The following ASCC3 variants were observed in gnomAD, a reference collection of about 807,000 sequenced individuals.
ASCC3 encodes ASC-1 complex subunit P200.
In ASCC3, 158 loss-of-function variants were observed where a neutral mutation model predicts 256.3. The ratio of observed to expected loss-of-function variants is 0.62; its 90% CI spans 0.54 to 0.70. The LOEUF is 0.70. Ranked by LOEUF, ASCC3 falls within the 30% of genes least tolerant of loss-of-function variation. The pLI, the probability that ASCC3 is intolerant of heterozygous loss-of-function variation, is 0.00. For synonymous variants in ASCC3, 948 were observed against 883.4 expected, an observed-to-expected ratio of 1.07 and a Z score of -1.30; for missense variants, 2,259 against 2,626.0, an observed-to-expected ratio of 0.86 and a Z score of 3.05.
In ASCC3 at chr6:100,516,292, C is replaced by G; in HGVS notation, c.5963G>C (p.Arg1988Thr). 1.2e-6 allele frequency: 2 copies of G among 1,613,748 alleles called. No homozygotes were observed. Among genetic ancestry groups the G allele is most frequent in the Non-Finnish European group, 1.7e-6 (2 of 1,179,722 alleles). ...WKPIMKGPHA[R>T]GRTSIESLPE... ...AAGGGACTCGATGGAGGTCCGACCC[C>G]TAGCATGTGGGCCCTTCATAATCGG... The change falls in exon 39 of 42, where the codon AGG (arginine) becomes ACG (threonine). Residue 1988 changes from arginine (R) to threonine (T), a missense_variant. Coordinates refer to ENST00000369162, the MANE Select transcript of ASCC3 (RefSeq NM_006828.4).
chr6:100,777,247 G>A (rs1324938411), intron 8 of ASCC3, among the ~76,000 whole-genome samples: 1 of 152,088 alleles, frequency 6.6e-6, no homozygotes, highest in Admixed American at 6.6e-5. Context: ...GTATGTGTGA[G>A]TGTATAAAAC....
At chr6:100,514,495 TTTTAC>T (rs1196758807) in intron 39 of ASCC3, among the ~76,000 whole-genome samples, 1 of 152,112 alleles carries the variant, frequency 6.6e-6, no homozygotes, top group Non-Finnish European at 1.5e-5. Flanking sequence ...CTCATTGGGA[TTTTAC>T]TTTACAAAGT....
intron 12 of ASCC3, 127 bp downstream of exon 12, chr6:100,717,948 G>A (rs775662871): frequency 1.3e-6 from 1 of 784,906 alleles, no homozygotes; most frequent in Non-Finnish European, 2.1e-6. Context: ...TCAATGTTCT[G>A]CAAAAGGCCA....
At chr6:100,557,901 C>G (rs548572601) in intron 36 of ASCC3, among the ~76,000 whole-genome samples, 17 of 151,432 alleles carry the variant, frequency 1.1e-4, no homozygotes, top group African/African-American at 3.4e-4. Context: ...ATCACCCCCC[C>G]CAAAAAAATG....
chr6:100,588,912 C>T (rs187300094), intron 36 of ASCC3, among the ~76,000 whole-genome samples: 1 of 152,076 alleles, frequency 6.6e-6, no homozygotes, highest in East Asian at 1.9e-4. Context: ...CTAAAAAGCA[C>T]CAACACATCT....
At chr6:100,877,722 TAC>T (rs1769053591) in intron 1 of ASCC3, among the ~76,000 whole-genome samples, 1 of 152,130 alleles carries the variant, frequency 6.6e-6, no homozygotes, top group South Asian at 2.1e-4. Context: ...AAACAATAAT[TAC>T]TAGAGATTCT....
intron 36 of ASCC3, among the ~76,000 whole-genome samples, chr6:100,550,908 G>T (rs1186908467): frequency 1.3e-5 from 2 of 151,878 alleles, no homozygotes; most frequent in Non-Finnish European, 2.9e-5. Flanking sequence ...CTGCAGTAGA[G>T]ATATTTTTCT....
intron 13 of ASCC3, among the ~76,000 whole-genome samples, chr6:100,691,677 T>C (rs572807007): frequency 6.6e-6 from 1 of 152,184 alleles, no homozygotes; most frequent in South Asian, 2.1e-4. Context: ...TACTTGCTCA[T>C]AATTACTTAT....
At position 100,798,830 on chromosome 6, in the gene ASCC3, CA is replaced by C. The variant is rs1769764519; in HGVS notation, c.1277del (p.Leu426CysfsTer16). On this transcript the variant is annotated frameshift_variant, in exon 8 of 42. Coordinates refer to ENST00000369162, the MANE Select transcript of ASCC3 (RefSeq NM_006828.4). LOFTEE classifies it high-confidence loss of function. Reference sequence around the variant, plus strand: ...TATTCTCTCTTTGGATTCCTTCTGGCAAAATCATCTATAAACATCAACAATA... The same window carrying C: ...TATTCTCTCTTTGGATTCCTTCTGGCAAATCATCTATAAACATCAACAATA... ...SAFIAGAKMI[L>X]PEGIQRENNK... The C allele has an allele frequency of 6.2e-7, 1 of 1,611,466 alleles. No individual in the cohort carries two copies. The highest frequency in any genetic ancestry group is 8.5e-7 in the Non-Finnish European group (1 of 1,178,800).
At chr6:100,741,008 G>C (rs1780410783) in intron 10 of ASCC3, among the ~76,000 whole-genome samples, 1 of 152,154 alleles carries the variant, frequency 6.6e-6, no homozygotes, top group Non-Finnish European at 1.5e-5. Flanking sequence ...TGTTTTTGTA[G>C]TGACTGGTAA....
intron 36 of ASCC3, among the ~76,000 whole-genome samples, chr6:100,541,903 T>C (rs897249962): frequency 6.6e-6 from 1 of 152,210 alleles, no homozygotes. Flanking sequence ...AAAATTACAA[T>C]GTCTGAGATG....
At chr6:100,575,867 T>C (rs1319964719) in intron 36 of ASCC3, among the ~76,000 whole-genome samples, 4 of 152,104 alleles carry the variant, frequency 2.6e-5, no homozygotes, top group African/African-American at 9.7e-5. Context: ...ATTCCAGTTT[T>C]AAAATAGACT....
intron 10 of ASCC3, among the ~76,000 whole-genome samples, chr6:100,733,587 G>A (rs563722570): frequency 5.0e-4 from 76 of 152,164 alleles, no homozygotes; most frequent in African/African-American, 1.7e-3. Flanking sequence ...AGAATTATGA[G>A]CCAAATAAAT....
At chr6:100,545,259 C>A (rs2114673173) in intron 36 of ASCC3, among the ~76,000 whole-genome samples, 1 of 152,260 alleles carries the variant, frequency 6.6e-6, no homozygotes, top group South Asian at 2.1e-4. Context: ...TTCACCGCAA[C>A]CTCTACCTCC....
chr6:100,582,022 T>G (rs1009050419), intron 36 of ASCC3, among the ~76,000 whole-genome samples: 3 of 152,192 alleles, frequency 2.0e-5, no homozygotes, highest in African/African-American at 7.2e-5. Context: ...GGTAGTGTGA[T>G]GCCTCCAGCT....
chr6:100,543,838 A>G (rs1775580844), intron 36 of ASCC3, among the ~76,000 whole-genome samples: 1 of 152,158 alleles, frequency 6.6e-6, no homozygotes, highest in African/African-American at 2.4e-5. Context: ...GAATTGAACA[A>G]CACTGTTAAC....
intron 7 of ASCC3, among the ~76,000 whole-genome samples, chr6:100,799,102 A>G (rs1769782861): frequency 6.6e-6 from 1 of 152,110 alleles, no homozygotes; most frequent in Non-Finnish European, 1.5e-5. Flanking sequence ...TACACTAATT[A>G]GATGGTATAC....
intron 4 of ASCC3, among the ~76,000 whole-genome samples, chr6:100,811,409 A>G (rs1342367166): frequency 6.6e-6 from 1 of 152,182 alleles, no homozygotes; most frequent in East Asian, 1.9e-4. Flanking sequence ...TTCAAGTTCA[A>G]AATATTCTGA....
rs757198733 is a variant in ASCC3, at chr6:100,805,878, T to A, written c.804A>T (p.Leu268=). ...IKSGDELQDE[L]FELLGPEGLE... ...GTCCTTCAGGTCCCAGCAGTTCAAA[T>A]AGCTTATAAAAAGAGAAAAAAGTAA... The change falls in exon 5 of 42, where the codon CTA becomes CTT. Residue 268 remains leucine, a splice_region_variant and synonymous_variant. Transcript: ENST00000369162. 1.2e-6 allele frequency: 2 copies of A among 1,610,488 alleles called. No homozygotes were observed. Among genetic ancestry groups the A allele is most frequent in the African/African-American group, 1.3e-5 (1 of 74,792 alleles).
Sources: gnomAD v4.1 joint callset for allele counts (sites outside exome capture counted in the v4.1 genomes callset) on GRCh38, gnomAD v4.1.1 for gene constraint, MANE v1.5 for transcripts, NCBI Gene and HGNC (gene_info 2026-07-23, HGNC 2026-07-21) for gene names.